GLIS3: variants seen among roughly 807,000 people sequenced by gnomAD.
GLIS3 encodes GLIS family zinc finger 3, also known as zinc finger protein GLIS3.
GLIS3 carries 53 observed loss-of-function variants against 78.6 expected under a neutral mutation model. That is an observed-to-expected ratio of 0.67 (90% CI 0.54 to 0.85). The LOEUF is 0.85. Ranked by LOEUF, GLIS3 falls within the 40% of genes least tolerant of loss-of-function variation. The probability of loss-of-function intolerance (pLI) is 0.00; values close to 1 mark genes in which losing one functional copy is unlikely to be tolerated. For missense variants in GLIS3, 1,703 were observed against 1,231.1 expected (o/e 1.38, Z -5.74); for synonymous variants, 684 against 509.9 (o/e 1.34, Z -4.60).
At chr9:3,934,594 A>G (rs1157633570) in intron 5 of GLIS3, among the ~76,000 whole-genome samples, 1 of 152,146 alleles carries the variant, frequency 6.6e-6, no homozygotes, top group Non-Finnish European at 1.5e-5. Flanking sequence ...TTTTTAGTAG[A>G]GATGGCGTTT....
chr9:4,014,353 G>A (rs1040763388), intron 4 of GLIS3, among the ~76,000 whole-genome samples: 1 of 152,134 alleles, frequency 6.6e-6, no homozygotes, highest in Non-Finnish European at 1.5e-5. Context: ...TGTCTACTGG[G>A]GACATCAGAA....
At chr9:4,444,232 T>A in the GLIS3 span, among the ~76,000 whole-genome samples, 1 of 152,226 alleles carries the variant, frequency 6.6e-6, no homozygotes, top group African/African-American at 2.4e-5. Context: ...TTCTGCAAAA[T>A]AAGATACACC....
chr9:4,224,250 T>G, intron 2 of GLIS3, among the ~76,000 whole-genome samples: 1 of 152,124 alleles, frequency 6.6e-6, no homozygotes, highest in East Asian at 1.9e-4. Flanking sequence ...TTGACCAAGG[T>G]GATCTCAGAG....
chr9:4,388,948 G>A, the GLIS3 span, among the ~76,000 whole-genome samples: 1 of 152,142 alleles, frequency 6.6e-6, no homozygotes, highest in East Asian at 1.9e-4. Flanking sequence ...CAAGAAGTCA[G>A]AAAGTGAAGA....
the GLIS3 span, among the ~76,000 whole-genome samples, chr9:4,484,879 C>T: frequency 3.3e-5 from 5 of 152,264 alleles, no homozygotes; most frequent in African/African-American, 1.2e-4. Context: ...CTGAATTCTG[C>T]TAAGTTGTAG....
intron 9 of GLIS3, among the ~76,000 whole-genome samples, chr9:3,840,570 C>A (rs1276739720): frequency 6.6e-6 from 1 of 152,200 alleles, no homozygotes; most frequent in African/African-American, 2.4e-5. Flanking sequence ...ATTTAAGCAA[C>A]TACTCTACTA....
At chr9:4,002,606 T>G (rs1821198786) in intron 4 of GLIS3, among the ~76,000 whole-genome samples, 1 of 152,186 alleles carries the variant, frequency 6.6e-6, no homozygotes, top group Admixed American at 6.5e-5. Flanking sequence ...TGACAGAGGC[T>G]ATTGATTGGT....
chr9:4,433,418 C>A, the GLIS3 span, among the ~76,000 whole-genome samples: 6 of 151,928 alleles, frequency 3.9e-5, no homozygotes, highest in Middle Eastern at 3.2e-3. Flanking sequence ...GGTGACAGAG[C>A]GAGACTCTGT....
chr9:4,142,041 C>T (rs980494057), intron 2 of GLIS3, among the ~76,000 whole-genome samples: 2 of 152,154 alleles, frequency 1.3e-5, no homozygotes, highest in African/African-American at 2.4e-5. Context: ...AGCAATAACT[C>T]CCAACTAATC....
the GLIS3 span, among the ~76,000 whole-genome samples, chr9:4,415,397 T>C: frequency 3.9e-4 from 59 of 152,332 alleles, no homozygotes; most frequent in African/African-American, 1.4e-3. Flanking sequence ...TGCCAGCCAG[T>C]AAATGTTCAG....
Position 3,932,402 on chromosome 9 carries a change from A to G in GLIS3, c.1941T>C (p.His647=). ...GCTCTTTGGAAGAATGTGCCTTCAC[A>G]TGCTTTCTTAGGGAACTTGGGTCTG... ...RYTDPSSLRK[H]VKAHSSKEQQ... Residue 647 remains histidine (H), a synonymous_variant, in exon 6 of 11, where the codon CAT becomes CAC. Coordinates refer to ENST00000381971, the MANE Select transcript of GLIS3 (RefSeq NM_001042413.2). The G allele has an allele frequency of 1.2e-6, 2 of 1,613,882 alleles. No homozygotes were observed. Among genetic ancestry groups the G allele is most frequent in the South Asian group, 1.1e-5 (1 of 91,084 alleles).
In GLIS3 at chr9:3,961,133, C is replaced by T. The variant is rs187367716; in HGVS notation, c.1711-23944G>A. Among the ~76,000 whole-genome samples, 229 of 152,276 alleles carry T rather than the reference C, an allele frequency of 1.5e-3. 2 individuals carry two copies. Among genetic ancestry groups the T allele is most frequent in the Admixed American group, 9.0e-3 (138 of 15,302 alleles). On this transcript the variant is annotated intron_variant, in intron 4 of 10. Transcript: ENST00000381971. ...CAACTGCTGAACCTCATTGCTCTGA[C>T]AGCAGCACAAGGATCACCCTAAATA...
At chr9:3,909,729 T>C (rs1051757187) in intron 6 of GLIS3, among the ~76,000 whole-genome samples, 1 of 152,106 alleles carries the variant, frequency 6.6e-6, no homozygotes, top group Admixed American at 6.5e-5. Flanking sequence ...TTTATGGAAA[T>C]TGTTCAAAGA....
intron 7 of GLIS3, among the ~76,000 whole-genome samples, chr9:3,890,163 C>T (rs1297725865): frequency 6.6e-6 from 1 of 152,166 alleles, no homozygotes; most frequent in Non-Finnish European, 1.5e-5. Context: ...CTTTCTTCCA[C>T]CTGCCTCACT....
intron 2 of GLIS3, among the ~76,000 whole-genome samples, chr9:4,224,037 C>G (rs1237312943): frequency 6.6e-6 from 1 of 151,304 alleles, no homozygotes; most frequent in Non-Finnish European, 1.5e-5. Flanking sequence ...AACTGCTAAA[C>G]TCACAATTAG....
At chr9:4,429,792 G>A in the GLIS3 span, among the ~76,000 whole-genome samples, 2 of 152,156 alleles carry the variant, frequency 1.3e-5, no homozygotes, top group East Asian at 3.9e-4. Flanking sequence ...ACTGTATGCA[G>A]GTGACCAAGG....
At chr9:4,102,359 T>G (rs2130804999) in intron 4 of GLIS3, among the ~76,000 whole-genome samples, 1 of 152,288 alleles carries the variant, frequency 6.6e-6, no homozygotes, top group African/African-American at 2.4e-5. Flanking sequence ...GCCAAGTATC[T>G]GTGTTTCAGG....
At chr9:4,171,996 G>T (rs1816413281) in intron 2 of GLIS3, among the ~76,000 whole-genome samples, 1 of 151,942 alleles carries the variant, frequency 6.6e-6, no homozygotes, top group East Asian at 1.9e-4. Context: ...GTGGTAGTTT[G>T]GTTTTTTTAA....
the GLIS3 span, among the ~76,000 whole-genome samples, chr9:4,476,419 T>A: frequency 5.3e-5 from 8 of 152,250 alleles, no homozygotes; most frequent in South Asian, 1.7e-3. Flanking sequence ...TGGAGTGCAA[T>A]GGCAGGATCT....
Sources: gnomAD v4.1 joint callset for allele counts (sites outside exome capture counted in the v4.1 genomes callset) on GRCh38, gnomAD v4.1.1 for gene constraint, MANE v1.5 for transcripts, NCBI Gene and HGNC (gene_info 2026-07-23, HGNC 2026-07-21) for gene names.